Variants in RALGAPA1 observed in about 807,000 individuals in gnomAD.
The protein encoded by RALGAPA1 is ral GTPase-activating protein subunit alpha-1.
Under a neutral mutation model 269.6 loss-of-function variants are expected in RALGAPA1, and 52 were observed. The observed-to-expected ratio is 0.19, with a 90% CI of 0.15 to 0.24. The LOEUF (loss-of-function observed/expected upper bound fraction) is 0.24. Ranked by LOEUF, RALGAPA1 falls within the 10% of genes least tolerant of loss-of-function variation. The pLI is 1.00. For missense variants in RALGAPA1, 1,917 were observed against 3,013.9 expected (o/e 0.64, Z 8.52); for synonymous variants, 817 against 1,008.3 (o/e 0.81, Z 3.60).
intron 26 of RALGAPA1, 34 bp from the exon 27 acceptor site, chr14:35,664,801 TA>T (rs753406995): frequency 6.0e-5 from 95 of 1,592,426 alleles, no homozygotes; most frequent in Middle Eastern, 5.0e-4. Context: ...TTTAAAAATA[TA>T]TTGGTGTTAT....
intron 36 of RALGAPA1, among the ~76,000 whole-genome samples, chr14:35,602,130 C>G (rs1286894095): frequency 6.6e-6 from 1 of 152,160 alleles, no homozygotes; most frequent in Non-Finnish European, 1.5e-5. Flanking sequence ...TACATTCATG[C>G]TGTAGCACAT....
intron 16 of RALGAPA1, chr14:35,707,209 C>T (rs150342108): frequency 6.6e-6 from 1 of 152,158 alleles, no homozygotes. Flanking sequence ...TATAACCTTG[C>T]TATAATTGCT....
chr14:35,801,262 C>CAT (rs980341680), intron 1 of RALGAPA1, among the ~76,000 whole-genome samples: 1 of 150,624 alleles, frequency 6.6e-6, no homozygotes, highest in South Asian at 2.1e-4. Flanking sequence ...CACACACACA[C>CAT]ACACACACAC....
intron 1 of RALGAPA1, among the ~76,000 whole-genome samples, chr14:35,803,478 G>A (rs1029822238): frequency 6.6e-6 from 1 of 151,820 alleles, no homozygotes; most frequent in African/African-American, 2.4e-5. Context: ...TTGATATATA[G>A]ACAATAAAAA....
At chr14:35,710,399 G>A (rs1288501584) in intron 16 of RALGAPA1, among the ~76,000 whole-genome samples, 1 of 152,140 alleles carries the variant, frequency 6.6e-6, no homozygotes, top group Non-Finnish European at 1.5e-5. Context: ...GGGACAACGG[G>A]CATGTGCCAA....
chr14:35,540,573 C>A (rs972397739), intron 41 of RALGAPA1, among the ~76,000 whole-genome samples: 2 of 152,014 alleles, frequency 1.3e-5, no homozygotes, highest in Admixed American at 6.6e-5. Context: ...TACTACAGAA[C>A]CTTGCACACT....
intron 39 of RALGAPA1, among the ~76,000 whole-genome samples, chr14:35,562,084 C>T (rs61989600): frequency 0.35 from 53,812 of 152,134 alleles, 11,990 homozygotes; most frequent in Non-Finnish European, 0.51. Flanking sequence ...AACAACTAAT[C>T]AATTTGATTT....
At position 35,809,011 on chromosome 14, in the gene RALGAPA1, C is replaced by A; in HGVS notation, c.-176G>T. ...CCGATCCAGGCCAGGGCCGCCACCTCCACCCGCCTCGCGCCGCGGCTCCAA... is the reference window on the plus strand; with the variant it reads ...CCGATCCAGGCCAGGGCCGCCACCTACACCCGCCTCGCGCCGCGGCTCCAA... On this transcript the variant is annotated 5_prime_UTR_variant, in exon 1 of 42. Coordinates refer to ENST00000680220, the MANE Select transcript of RALGAPA1 (RefSeq NM_001346249.2). The A allele has an allele frequency of 2.4e-6, 3 of 1,271,412 alleles. No homozygotes were observed. The highest frequency in any genetic ancestry group is 1.6e-5 in the South Asian group (1 of 62,658). The allele number at this position is 1,271,412 out of a possible 1,614,324, so 78.8% of individuals were successfully genotyped here.
At chr14:35,570,180 G>A (rs1299840675) in intron 39 of RALGAPA1, among the ~76,000 whole-genome samples, 3 of 151,066 alleles carry the variant, frequency 2.0e-5, no homozygotes, top group Non-Finnish European at 4.4e-5. Flanking sequence ...TGAGGCAGAA[G>A]AATTGCTTGA....
At chr14:35,669,075 G>A (rs934054218) in intron 26 of RALGAPA1, among the ~76,000 whole-genome samples, 118 of 151,756 alleles carry the variant, frequency 7.8e-4, no homozygotes, top group African/African-American at 2.8e-3. Context: ...AATCTTTCAG[G>A]GACATATTTA....
intron 3 of RALGAPA1, among the ~76,000 whole-genome samples, chr14:35,772,282 C>CA (rs2074693069): frequency 6.6e-6 from 1 of 152,150 alleles, no homozygotes; most frequent in Admixed American, 6.5e-5. Flanking sequence ...GCCCAAGCTT[C>CA]AGGCCTCAAG....
intron 31 of RALGAPA1, 55 bp from the exon 32 acceptor site, chr14:35,635,653 A>G: frequency 4.3e-6 from 6 of 1,408,746 alleles, no homozygotes; most frequent in Non-Finnish European, 5.6e-6. Flanking sequence ...TATGCTTCTT[A>G]AAAATTCATT....
chr14:35,625,493 G>T, intron 34 of RALGAPA1, 61 bp from the exon 35 acceptor site: 1 of 1,239,458 alleles, frequency 8.1e-7, no homozygotes, highest in Non-Finnish European at 1.1e-6. Context: ...AGACAGTCCC[G>T]GAAATACTTT....
At chr14:35,592,398 G>C (rs563150260) in intron 37 of RALGAPA1, among the ~76,000 whole-genome samples, 35 of 152,294 alleles carry the variant, frequency 2.3e-4, no homozygotes, top group Admixed American at 6.5e-4. Context: ...CCCAGAACTA[G>C]ACAGCTTCAC....
At chr14:35,673,174 T>C (rs1189743264) in intron 24 of RALGAPA1, 152 bp from the exon 25 acceptor site, 1 of 884,110 alleles carries the variant, frequency 1.1e-6, no homozygotes, top group African/African-American at 1.8e-5. Flanking sequence ...ATTAGTGAAA[T>C]TATCATCATC....
At chr14:35,795,027 C>G (rs2076460115) in intron 1 of RALGAPA1, among the ~76,000 whole-genome samples, 2 of 152,220 alleles carry the variant, frequency 1.3e-5, no homozygotes, top group East Asian at 1.9e-4. Context: ...TTTAAGAGAA[C>G]CTCTTATTAT....
At chr14:35,658,621 A>G (rs1409056884) in intron 28 of RALGAPA1, among the ~76,000 whole-genome samples, 1 of 152,082 alleles carries the variant, frequency 6.6e-6, no homozygotes, top group Non-Finnish European at 1.5e-5. Flanking sequence ...TAAAACAGAG[A>G]AAATGTCAGC....
intron 27 of RALGAPA1, among the ~76,000 whole-genome samples, chr14:35,661,955 A>G (rs1480146190): frequency 6.6e-6 from 1 of 152,162 alleles, no homozygotes; most frequent in African/African-American, 2.4e-5. Context: ...CAGAACATAA[A>G]TCTGAGTTAC....
At chr14:35,619,193 G>A (rs902093043) in intron 35 of RALGAPA1, among the ~76,000 whole-genome samples, 4 of 152,066 alleles carry the variant, frequency 2.6e-5, no homozygotes, top group African/African-American at 9.7e-5. Flanking sequence ...AAGACTGTAA[G>A]TGTTAGAAGG....
Sources: allele counts gnomAD v4.1 joint callset (sites outside exome capture counted in the v4.1 genomes callset), GRCh38; gene constraint gnomAD v4.1.1; transcripts MANE v1.5; gene names NCBI Gene and HGNC (gene_info 2026-07-23, HGNC 2026-07-21).